TMEM132D: variants seen among roughly 807,000 people sequenced by gnomAD.
The protein encoded by TMEM132D is transmembrane protein 132D, also known as mature OL transmembrane protein.
Under a neutral mutation model 62.3 loss-of-function variants are expected in TMEM132D, and 21 were observed. That is an observed-to-expected ratio of 0.34 (90% CI 0.24 to 0.49). TMEM132D has a LOEUF of 0.49. Among genes scored for constraint, TMEM132D ranks in the 20% least tolerant of loss-of-function variants. The pLI is 0.99. For missense variants in TMEM132D, 1,346 were observed against 1,402.8 expected (o/e 0.96, Z 0.65); for synonymous variants, 621 against 575.6 (o/e 1.08, Z -1.13).
At chr12:129,291,082 A>T (rs532058068) in intron 4 of TMEM132D, among the ~76,000 whole-genome samples, 10 of 152,212 alleles carry the variant, frequency 6.6e-5, no homozygotes, top group Admixed American at 6.5e-4. Flanking sequence ...AGAGACACCA[A>T]ATGGAATTTT....
intron 5 of TMEM132D, among the ~76,000 whole-genome samples, chr12:129,179,867 A>G (rs1191185627): frequency 1.3e-5 from 2 of 152,024 alleles, no homozygotes; most frequent in African/African-American, 4.8e-5. Flanking sequence ...GTCTCTACTA[A>G]AAATACAAAA....
chr12:129,484,027 T>C (rs1057460093), intron 3 of TMEM132D, among the ~76,000 whole-genome samples: 2 of 152,204 alleles, frequency 1.3e-5, no homozygotes, highest in Admixed American at 6.5e-5. Context: ...TGGAGTGCCA[T>C]GGCGTGATTT....
rs1385708707 is a variant in TMEM132D at position 129,525,237 on chromosome 12, T to G, written c.1115+5822A>C. On this transcript the variant is annotated intron_variant, in intron 3 of 8. Coordinates refer to ENST00000422113, the MANE Select transcript of TMEM132D (RefSeq NM_133448.3). ...ACGGTGCCCAGCCGGTTTTTTTTTT[T>G]TTTTTTTTTTTTTTTTTTGCTAATA... is the stretch of plus-strand genomic sequence containing the variant. 2.2e-3 allele frequency among the ~76,000 whole-genome samples: 296 copies of G among 133,730 alleles called. 5 individuals carry two copies. The highest frequency in any genetic ancestry group is 8.3e-3 in the African/African-American group (265 of 31,786). The allele number at this position is 133,730 out of a possible 152,430, so 87.7% of individuals were successfully genotyped here.
chr12:129,794,995 A>G lies in TMEM132D; in HGVS notation c.80-94297T>C, dbSNP rs947994712. On this transcript the variant is annotated intron_variant, in intron 1 of 8. Coordinates refer to ENST00000422113, the MANE Select transcript of TMEM132D (RefSeq NM_133448.3). ...GGCTATCAGCTTCTCCTTTGGCACC[A>G]GCCTACCCAGGTTTGTTTGAATATT... is the stretch of plus-strand genomic sequence containing the variant. 4.6e-5 allele frequency among the ~76,000 whole-genome samples: 7 copies of G among 152,336 alleles called. No individual in the cohort carries two copies. In the East Asian group the frequency reaches 1.2e-3, roughly 25 times the overall value.
At chr12:129,557,398 G>A (rs1029511409) in intron 2 of TMEM132D, among the ~76,000 whole-genome samples, 1 of 152,176 alleles carries the variant, frequency 6.6e-6, no homozygotes, top group Non-Finnish European at 1.5e-5. Flanking sequence ...GGGGTGAAGA[G>A]GTACAAACTT....
intron 4 of TMEM132D, among the ~76,000 whole-genome samples, chr12:129,213,816 G>C (rs2135569495): frequency 6.6e-6 from 1 of 152,276 alleles, no homozygotes; most frequent in East Asian, 1.9e-4. Flanking sequence ...TACCTCCCAT[G>C]GCCCTACCTC....
At chr12:129,359,752 T>C (rs1870185602) in intron 3 of TMEM132D, among the ~76,000 whole-genome samples, 1 of 152,030 alleles carries the variant, frequency 6.6e-6, no homozygotes, top group Non-Finnish European at 1.5e-5. Context: ...AGTCAAATAC[T>C]TACTCCCACT....
At chr12:129,216,763 G>A (rs1355943556) in intron 4 of TMEM132D, among the ~76,000 whole-genome samples, 2 of 152,272 alleles carry the variant, frequency 1.3e-5, no homozygotes, top group East Asian at 1.9e-4. Context: ...CAGAAGCATG[G>A]CCACACTCAC....
intron 2 of TMEM132D, among the ~76,000 whole-genome samples, chr12:129,699,154 T>C (rs1881309860): frequency 6.6e-6 from 1 of 152,202 alleles, no homozygotes; most frequent in Non-Finnish European, 1.5e-5. Flanking sequence ...ATACGTTATA[T>C]TCCACAGTGA....
At chr12:129,358,601 G>T (rs1436983354) in intron 3 of TMEM132D, among the ~76,000 whole-genome samples, 1 of 152,158 alleles carries the variant, frequency 6.6e-6, no homozygotes, top group Non-Finnish European at 1.5e-5. Flanking sequence ...GGAGGTGGGA[G>T]GTGGACATTA....
intron 3 of TMEM132D, chr12:129,522,505 A>C (rs953303652): frequency 6.6e-6 from 1 of 152,152 alleles, no homozygotes; most frequent in Non-Finnish European, 1.5e-5. Flanking sequence ...ACACCAGGGG[A>C]AACTGGAGGT....
At chr12:129,577,243 T>C (rs754268590) in intron 2 of TMEM132D, among the ~76,000 whole-genome samples, 27 of 151,810 alleles carry the variant, frequency 1.8e-4, no homozygotes, top group Non-Finnish European at 3.7e-4. Flanking sequence ...AAGCAGATAC[T>C]CACAACTCTC....
chr12:129,244,492 C>G (rs1007509759), intron 4 of TMEM132D, among the ~76,000 whole-genome samples: 1 of 151,698 alleles, frequency 6.6e-6, no homozygotes, highest in African/African-American at 2.4e-5. Context: ...AATGCTTACG[C>G]TATGGCTAGA....
chr12:129,530,980 A>G, intron 3 of TMEM132D, 79 bp downstream of exon 3: 1 of 1,313,494 alleles, frequency 7.6e-7, no homozygotes, highest in Non-Finnish European at 1.0e-6. Flanking sequence ...AATGGTTGTT[A>G]GCAATCTAGG....
intron 2 of TMEM132D, among the ~76,000 whole-genome samples, chr12:129,588,984 C>A (rs1878116342): frequency 6.6e-6 from 1 of 152,018 alleles, no homozygotes; most frequent in Non-Finnish European, 1.5e-5. Flanking sequence ...ATAGAAGAAA[C>A]CTTCTTGCAG....
chr12:129,196,192 C>T (rs991219022), intron 5 of TMEM132D, among the ~76,000 whole-genome samples: 5 of 152,014 alleles, frequency 3.3e-5, no homozygotes, highest in African/African-American at 4.8e-5. Flanking sequence ...AATATCAGAG[C>T]GAGGATTTAA....
chr12:129,608,863 G>C (rs889787259), intron 2 of TMEM132D, among the ~76,000 whole-genome samples: 9 of 151,844 alleles, frequency 5.9e-5, no homozygotes, highest in African/African-American at 2.2e-4. Context: ...TGGTGGCCTT[G>C]TTCAAATACA....
At chr12:129,361,434 A>G (rs1487154867) in intron 3 of TMEM132D, among the ~76,000 whole-genome samples, 2 of 152,198 alleles carry the variant, frequency 1.3e-5, no homozygotes, top group African/African-American at 4.8e-5. Flanking sequence ...AAACTTTTAA[A>G]GCATAGAGAG....
intron 4 of TMEM132D, among the ~76,000 whole-genome samples, chr12:129,336,062 A>C (rs973485947): frequency 1.3e-5 from 2 of 152,218 alleles, no homozygotes; most frequent in African/African-American, 4.8e-5. Context: ...TGGGTCTCAG[A>C]TGTCATGGAA....
Sources: allele counts gnomAD v4.1 joint callset (sites outside exome capture counted in the v4.1 genomes callset), GRCh38; gene constraint gnomAD v4.1.1; transcripts MANE v1.5; gene names NCBI Gene and HGNC (gene_info 2026-07-23, HGNC 2026-07-21).